Variants in TRIM35 observed in about 807,000 individuals in gnomAD.
TRIM35 encodes tripartite motif containing 35.
In TRIM35, 37 loss-of-function variants were observed where a neutral mutation model predicts 49.1. The observed-to-expected ratio is 0.75, with a 90% CI of 0.58 to 0.99. The LOEUF (loss-of-function observed/expected upper bound fraction) is 0.99, where lower values mean the gene tolerates loss of function less well. TRIM35 is among the 50% of genes least tolerant of loss of function. The pLI is 0.00. For missense variants in TRIM35, 648 were observed against 702.7 expected (o/e 0.92, Z 0.88); for synonymous variants, 302 against 289.3 (o/e 1.04, Z -0.45).
chr8:27,293,165 A>G lies in TRIM35; in HGVS notation c.762+915T>C, dbSNP rs184506913. 2.2e-3 allele frequency among the ~76,000 whole-genome samples: 328 copies of G among 152,236 alleles called. 2 individuals carry two copies. Among genetic ancestry groups the G allele is most frequent in the Admixed American group, 3.8e-3 (58 of 15,296 alleles). On this transcript the variant is annotated intron_variant, in intron 3 of 5. Coordinates refer to ENST00000305364, the MANE Select transcript of TRIM35 (RefSeq NM_171982.5). Reference sequence around the variant, plus strand: ...CCAGGAGATGACACTGCCTGAACAGATAACTGTCCCTGTCGCCTCCCACTC... The same window carrying G: ...CCAGGAGATGACACTGCCTGAACAGGTAACTGTCCCTGTCGCCTCCCACTC...
chr8:27,288,106 T>C lies in TRIM35; in HGVS notation c.926A>G (p.Asn309Ser), dbSNP rs1228968832. 10 of 1,607,870 alleles carry C rather than the reference T, an allele frequency of 6.2e-6. No individual in the cohort carries two copies. Among genetic ancestry groups the C allele is most frequent in the Middle Eastern group, 1.6e-4 (1 of 6,084 alleles). ...VESVPFSFDP[N>S]TAAGWLSVSD... is the part of the protein sequence containing the mutation. ...CACGGAGAGCCAGCCAGCTGCGGTGTTGGGGTCAAAGCTGAAGGGTACTGC... is the reference window on the plus strand; with the variant it reads ...CACGGAGAGCCAGCCAGCTGCGGTGCTGGGGTCAAAGCTGAAGGGTACTGC... The change falls in exon 6 of 6, where the codon AAC becomes AGC. Residue 309 changes from asparagine to serine, a missense_variant. Coordinates refer to ENST00000305364, the MANE Select transcript of TRIM35 (RefSeq NM_171982.5).
intron 2 of TRIM35, among the ~76,000 whole-genome samples, chr8:27,294,829 T>C (rs1217286347): frequency 6.6e-6 from 1 of 152,146 alleles, no homozygotes; most frequent in Non-Finnish European, 1.5e-5. Flanking sequence ...TTTGTTTTTT[T>C]TTTTCTTTTT....
intron 1 of TRIM35, among the ~76,000 whole-genome samples, chr8:27,299,377 A>G (rs1802638554): frequency 6.6e-6 from 1 of 152,242 alleles, no homozygotes; most frequent in African/African-American, 2.4e-5. Context: ...AAATAATTAT[A>G]AATGGTTATC....
Position 27,293,355 on chromosome 8 carries a change from G to GA in TRIM35, c.762+724dup, listed in dbSNP as rs1391478753. 3.1e-3 allele frequency among the ~76,000 whole-genome samples: 458 copies of GA among 147,880 alleles called. 1 individual carries two copies. Among genetic ancestry groups the GA allele is most frequent in the African/African-American group, 0.011 (426 of 40,326 alleles). On this transcript the variant is annotated intron_variant, in intron 3 of 5. Coordinates refer to ENST00000305364, the MANE Select transcript of TRIM35 (RefSeq NM_171982.5). ...TGGGGAGGAAATAAATCAATAAAAG[G>GA]AAAAAAAAATGAATAATACTGTTTT...
At chr8:27,306,551 C>G (rs1802789701) in intron 1 of TRIM35, among the ~76,000 whole-genome samples, 1 of 152,040 alleles carries the variant, frequency 6.6e-6, no homozygotes, top group Non-Finnish European at 1.5e-5. Flanking sequence ...GTCTCGAACT[C>G]CTGACCTCGT....
rs1356312769 is a variant in TRIM35, at chr8:27,285,124, T to C, written c.*2426A>G. 1.3e-5 allele frequency: 2 copies of C among 152,186 alleles called. No homozygotes were observed. The highest frequency in any genetic ancestry group is 4.8e-5 in the African/African-American group (2 of 41,432). 9.4% of individuals were successfully genotyped at this position (152,186 alleles called of 1,614,324 possible). A position where few individuals can be genotyped will look rare whatever the true frequency, so the allele number is the denominator to read the frequency against. On this transcript the variant is annotated 3_prime_UTR_variant, in exon 6 of 6. Coordinates refer to ENST00000305364, the MANE Select transcript of TRIM35 (RefSeq NM_171982.5). ...TAAGCTCATGAAAAGATGCTCAATA[T>C]CATTCGCCATCAGGGAAATGCAAAC...
intron 3 of TRIM35, 44 bp downstream of exon 3, chr8:27,294,036 G>A: frequency 6.3e-7 from 1 of 1,589,782 alleles, no homozygotes; most frequent in South Asian, 1.1e-5. Context: ...GCTGGTCCTG[G>A]AACATGTGGC....
At chr8:27,309,216 C>G (rs1802849449) in intron 1 of TRIM35, among the ~76,000 whole-genome samples, 1 of 152,230 alleles carries the variant, frequency 6.6e-6, no homozygotes, top group South Asian at 2.1e-4. Flanking sequence ...GCACCTCGGC[C>G]AGCCAAATAG....
intron 2 of TRIM35, among the ~76,000 whole-genome samples, chr8:27,297,234 G>A (rs1347831876): frequency 1.3e-5 from 2 of 152,214 alleles, no homozygotes; most frequent in Non-Finnish European, 2.9e-5. Context: ...GGGGACCGCA[G>A]GCTCCTGAGG....
At chr8:27,309,305 G>A (rs942710867) in intron 1 of TRIM35, among the ~76,000 whole-genome samples, 5 of 152,136 alleles carry the variant, frequency 3.3e-5, no homozygotes, top group Admixed American at 6.5e-5. Flanking sequence ...TATTCCAGCT[G>A]TCCCAAATCA....
chr8:27,286,551 CT>C lies in TRIM35; in HGVS notation c.*998del. On this transcript the variant is annotated 3_prime_UTR_variant, in exon 6 of 6. Coordinates refer to ENST00000305364, the MANE Select transcript of TRIM35 (RefSeq NM_171982.5). ...CTCATTTCCTGGTGGGGAAACAGGCCTGGCAAGGAAATAGGCCGAAATCACG... is the reference window on the plus strand; with the variant it reads ...CTCATTTCCTGGTGGGGAAACAGGCCGGCAAGGAAATAGGCCGAAATCACG... The C allele has an allele frequency of 4.9e-6, 1 of 202,162 alleles. No homozygotes were observed. Among genetic ancestry groups the C allele is most frequent in the African/African-American group, 2.3e-5 (1 of 42,902 alleles). 12.5% of individuals were successfully genotyped at this position (202,162 alleles called of 1,614,324 possible).
At chr8:27,297,104 G>A (rs1277321637) in intron 2 of TRIM35, among the ~76,000 whole-genome samples, 1 of 152,204 alleles carries the variant, frequency 6.6e-6, no homozygotes, top group Non-Finnish European at 1.5e-5. Context: ...CACCCAGTGT[G>A]TCACATAATC....
At chr8:27,289,351 A>G in intron 4 of TRIM35, 71 bp from the exon 5 acceptor site, 3 of 1,275,288 alleles carry the variant, frequency 2.4e-6, no homozygotes, top group African/African-American at 1.5e-5. Context: ...GGCCAACTGG[A>G]AACCAGCAAC....
intron 2 of TRIM35, among the ~76,000 whole-genome samples, chr8:27,296,810 A>G (rs1019310681): frequency 7.2e-5 from 11 of 152,242 alleles, no homozygotes; most frequent in African/African-American, 2.7e-4. Context: ...GAATTTCAAC[A>G]TGTATTTATG....
chr8:27,300,751 C>G (rs1161994885), intron 1 of TRIM35, among the ~76,000 whole-genome samples: 1 of 152,192 alleles, frequency 6.6e-6, no homozygotes, highest in African/African-American at 2.4e-5. Context: ...AGTATATCAT[C>G]TCTAATTTGC....
chr8:27,296,152 CTCT>C (rs1193984398), intron 2 of TRIM35, among the ~76,000 whole-genome samples: 1 of 145,076 alleles, frequency 6.9e-6, no homozygotes, highest in East Asian at 2.0e-4. Context: ...CAGGGTGATT[CTCT>C]TTTTTTTTTT....
At position 27,289,153 on chromosome 8, in the gene TRIM35, C is replaced by T. The variant is rs556077194; in HGVS notation, c.904+9G>A. 3.1e-6 allele frequency: 5 copies of T among 1,612,090 alleles called. 1 individual carries two copies. In the Middle Eastern group the frequency reaches 6.7e-4, roughly 215 times the overall value. On this transcript the variant is annotated intron_variant, in intron 5 of 5. Coordinates refer to ENST00000305364, the MANE Select transcript of TRIM35 (RefSeq NM_171982.5). ...CATGCTTGGGACACCTGCCGGCACC[C>T]CCGCTCACCAGATTCCACAGATGCA...
At chr8:27,299,132 T>C (rs1362186761) in intron 1 of TRIM35, among the ~76,000 whole-genome samples, 3 of 152,172 alleles carry the variant, frequency 2.0e-5, no homozygotes, top group African/African-American at 7.2e-5. Flanking sequence ...ACACTGCTTG[T>C]ATCGCACGGA....
At chr8:27,295,458 C>G (rs1162647475) in intron 2 of TRIM35, among the ~76,000 whole-genome samples, 1 of 152,074 alleles carries the variant, frequency 6.6e-6, no homozygotes, top group African/African-American at 2.4e-5. Flanking sequence ...GGTTACATCC[C>G]AATAAACCCA....
Sources: gnomAD v4.1 joint callset for allele counts (sites outside exome capture counted in the v4.1 genomes callset) on GRCh38, gnomAD v4.1.1 for gene constraint, MANE v1.5 for transcripts, NCBI Gene and HGNC (gene_info 2026-07-23, HGNC 2026-07-21) for gene names.